The following PPM1L variants were observed in gnomAD, a reference collection of about 807,000 sequenced individuals.
PPM1L encodes the protein protein phosphatase 1L.
In PPM1L, 13 loss-of-function variants were observed where a neutral mutation model predicts 31.4. The observed-to-expected ratio is 0.41, with a 90% CI of 0.27 to 0.66. The LOEUF (loss-of-function observed/expected upper bound fraction) is 0.66, where lower values mean the gene tolerates loss of function less well. Ranked by LOEUF, PPM1L falls within the 30% of genes least tolerant of loss-of-function variation. The probability of loss-of-function intolerance (pLI) is 0.29; values close to 1 mark genes in which losing one functional copy is unlikely to be tolerated. For missense variants in PPM1L, 326 were observed against 453.7 expected (o/e 0.72, Z 2.56); for synonymous variants, 184 against 175.4 (o/e 1.05, Z -0.39).
At chr3:160,778,592 A>C (rs1046293663) in intron 1 of PPM1L, among the ~76,000 whole-genome samples, 4 of 152,254 alleles carry the variant, frequency 2.6e-5, no homozygotes, top group African/African-American at 9.6e-5. Context: ...AGATGAGACT[A>C]AGATAGAATA....
intron 2 of PPM1L, among the ~76,000 whole-genome samples, chr3:161,020,920 G>A (rs1203252853): frequency 6.6e-6 from 1 of 151,756 alleles, no homozygotes; most frequent in African/African-American, 2.4e-5. Flanking sequence ...GTCCCTTCCT[G>A]TATTCCCAAT....
chr3:161,010,750 T>C (rs1197585087), intron 2 of PPM1L, among the ~76,000 whole-genome samples: 1 of 152,230 alleles, frequency 6.6e-6, no homozygotes, highest in African/African-American at 2.4e-5. Context: ...ATTTTGGTTT[T>C]GATTTGCATT....
chr3:160,988,246 C>T (rs1291340284), intron 2 of PPM1L, among the ~76,000 whole-genome samples: 1 of 152,036 alleles, frequency 6.6e-6, no homozygotes, highest in Non-Finnish European at 1.5e-5. Context: ...GTTTATATGA[C>T]ATCCATGGGA....
intron 1 of PPM1L, among the ~76,000 whole-genome samples, chr3:160,961,251 G>A (rs1287704309): frequency 6.6e-6 from 1 of 152,088 alleles, no homozygotes; most frequent in East Asian, 1.9e-4. Context: ...CCCTAGCAGA[G>A]GACTCTCCTT....
chr3:160,875,976 C>T (rs1712495398), intron 1 of PPM1L, among the ~76,000 whole-genome samples: 2 of 152,184 alleles, frequency 1.3e-5, no homozygotes. Flanking sequence ...TCAAGCCTGC[C>T]TTCTCTTATT....
intron 1 of PPM1L, among the ~76,000 whole-genome samples, chr3:160,845,699 T>C (rs1056292483): frequency 2.0e-5 from 3 of 152,056 alleles, no homozygotes; most frequent in African/African-American, 7.2e-5. Flanking sequence ...TATGCTTCCT[T>C]CTAAAAATTA....
At chr3:160,827,742 G>A (rs1203919744) in intron 1 of PPM1L, among the ~76,000 whole-genome samples, 1 of 152,028 alleles carries the variant, frequency 6.6e-6, no homozygotes, top group Non-Finnish European at 1.5e-5. Context: ...AAACCAGATG[G>A]GTCAGTGGGT....
intron 1 of PPM1L, among the ~76,000 whole-genome samples, chr3:160,861,920 C>T (rs914999883): frequency 1.3e-5 from 2 of 152,148 alleles, no homozygotes; most frequent in Non-Finnish European, 2.9e-5. Context: ...GGCTGATATT[C>T]CTGCTTCTTT....
intron 1 of PPM1L, among the ~76,000 whole-genome samples, chr3:160,786,157 CTG>C (rs1239014226): frequency 1.3e-3 from 93 of 69,188 alleles, no homozygotes; most frequent in Admixed American, 3.4e-3. Context: ...CTCTCTCTCT[CTG>C]TGTGTGTGTG....
At chr3:160,974,207 T>C (rs1057509523) in intron 2 of PPM1L, among the ~76,000 whole-genome samples, 1 of 151,882 alleles carries the variant, frequency 6.6e-6, no homozygotes, top group East Asian at 1.9e-4. Context: ...GAACTCAACA[T>C]TTTTTATGGC....
At chr3:160,759,076 C>G (rs1714893917) in intron 1 of PPM1L, among the ~76,000 whole-genome samples, 1 of 152,112 alleles carries the variant, frequency 6.6e-6, no homozygotes, top group Non-Finnish European at 1.5e-5. Context: ...CTTTATATAT[C>G]ATTCAAAATC....
intron 2 of PPM1L, among the ~76,000 whole-genome samples, chr3:161,029,593 T>C (rs557839511): frequency 6.6e-6 from 1 of 152,326 alleles, no homozygotes; most frequent in Non-Finnish European, 1.5e-5. Flanking sequence ...CAAAATAATC[T>C]CTAAAAGCAC....
chr3:160,767,147 G>C (rs1006014189), intron 1 of PPM1L, among the ~76,000 whole-genome samples: 6 of 152,122 alleles, frequency 3.9e-5, no homozygotes, highest in Non-Finnish European at 8.8e-5. Context: ...GAGACTCACA[G>C]ACTTTTTACC....
intron 2 of PPM1L, among the ~76,000 whole-genome samples, chr3:161,025,235 G>T (rs1190469137): frequency 6.6e-6 from 1 of 151,868 alleles, no homozygotes; most frequent in Non-Finnish European, 1.5e-5. Flanking sequence ...GGCCATGAGA[G>T]CTTCTCCTTC....
intron 2 of PPM1L, 106 bp from the exon 3 acceptor site, chr3:161,065,297 C>T (rs1719701445): frequency 2.7e-6 from 3 of 1,121,260 alleles, no homozygotes; most frequent in South Asian, 3.0e-5. Context: ...AAATTCTCAC[C>T]CAGCAGAAGC....
intron 1 of PPM1L, among the ~76,000 whole-genome samples, chr3:160,837,856 G>A (rs1023958384): frequency 1.3e-5 from 2 of 152,108 alleles, no homozygotes; most frequent in East Asian, 3.9e-4. Context: ...CCCTGAACTT[G>A]GTTTAATGCT....
intron 2 of PPM1L, among the ~76,000 whole-genome samples, chr3:161,010,908 G>C (rs140886712): frequency 0.029 from 4,421 of 152,268 alleles, 92 homozygotes; most frequent in South Asian, 0.044. Context: ...TGTAGATTCT[G>C]GATATTAGCC....
chr3:160,936,381 G>A, intron 1 of PPM1L, among the ~76,000 whole-genome samples: 1 of 152,124 alleles, frequency 6.6e-6, no homozygotes, highest in Non-Finnish European at 1.5e-5. Context: ...ATGAGCCACT[G>A]TGCCTGGCCA....
At chr3:160,811,080 T>A (rs1175916331) in intron 1 of PPM1L, among the ~76,000 whole-genome samples, 1 of 152,234 alleles carries the variant, frequency 6.6e-6, no homozygotes, top group Non-Finnish European at 1.5e-5. Flanking sequence ...AGCATTTGAT[T>A]TTCAGTGACA....
Sources: gnomAD v4.1 joint callset for allele counts (sites outside exome capture counted in the v4.1 genomes callset) on GRCh38, gnomAD v4.1.1 for gene constraint, MANE v1.5 for transcripts, NCBI Gene and HGNC (gene_info 2026-07-23, HGNC 2026-07-21) for gene names.